Variants in SLC20A2 observed in about 807,000 individuals in gnomAD.
The protein encoded by SLC20A2 is solute carrier family 20 member 2, also known as sodium-dependent phosphate transporter 2.
A neutral mutation model predicts 61.0 loss-of-function variants in SLC20A2; 30 were observed. The ratio of observed to expected loss-of-function variants is 0.49; its 90% confidence interval spans 0.37 to 0.67. The LOEUF (loss-of-function observed/expected upper bound fraction) is 0.67. SLC20A2 is among the 30% of genes least tolerant of loss of function. SLC20A2 has a pLI of 0.00. For missense variants in SLC20A2, 626 were observed against 866.4 expected (o/e 0.72, Z 3.48); for synonymous variants, 351 against 353.3 (o/e 0.99, Z 0.07).
intron 2 of SLC20A2, chr8:42,470,986 A>AG: frequency 2.9e-6 from 1 of 350,630 alleles, no homozygotes. Flanking sequence ...AAAAAAAAAA[A>AG]AAAAGAAAAG....
rs1210008308 is a variant in SLC20A2, at chr8:42,509,459, GCA to G, written c.-265+32360_-265+32361del. Among the ~76,000 whole-genome samples, 4 of 152,082 alleles carry G rather than the reference GCA, an allele frequency of 2.6e-5. No individual in the cohort carries two copies. The East Asian group carries it at 7.7e-4, about 29-fold the overall frequency. On this transcript the variant is annotated intron_variant, in intron 1 of 10. Transcript: ENST00000342228. ...GATACAAGATGCTAGGCTTAGCCAG[GCA>G]CAGTGTCATGCCTATAATCCCAGCA...
chr8:42,434,202 T>G (rs776917925), intron 8 of SLC20A2, among the ~76,000 whole-genome samples: 43 of 152,176 alleles, frequency 2.8e-4, no homozygotes, highest in Admixed American at 1.7e-3. Flanking sequence ...TTCTTGTGCC[T>G]CAGCTTCCTG....
chr8:42,531,207 A>G (rs961934954), intron 1 of SLC20A2, among the ~76,000 whole-genome samples: 6 of 152,212 alleles, frequency 3.9e-5, no homozygotes, highest in Admixed American at 1.3e-4. Context: ...GCACATCTAC[A>G]TAAGTTCCTT....
intron 1 of SLC20A2, among the ~76,000 whole-genome samples, chr8:42,480,888 T>C (rs1808508288): frequency 6.6e-6 from 1 of 152,174 alleles, no homozygotes; most frequent in Admixed American, 6.6e-5. Flanking sequence ...CTCAAACTCC[T>C]GGACTCAACT....
intron 8 of SLC20A2, among the ~76,000 whole-genome samples, chr8:42,435,789 G>A (rs1804204004): frequency 6.6e-6 from 1 of 152,228 alleles, no homozygotes; most frequent in Admixed American, 6.5e-5. Flanking sequence ...GGGCCCACGA[G>A]TGGGACGGAG....
At chr8:42,475,398 C>T (rs1807995077) in intron 1 of SLC20A2, among the ~76,000 whole-genome samples, 1 of 150,820 alleles carries the variant, frequency 6.6e-6, no homozygotes, top group Non-Finnish European at 1.5e-5. Context: ...CCATGCCCGG[C>T]CCAGACTTAG....
At chr8:42,429,919 G>T in intron 9 of SLC20A2, 145 bp downstream of exon 9, 1 of 600,896 alleles carries the variant, frequency 1.7e-6, no homozygotes, top group Non-Finnish European at 2.8e-6. Flanking sequence ...ATGCTAGGTG[G>T]GGCCATTCTT....
intron 1 of SLC20A2, among the ~76,000 whole-genome samples, chr8:42,479,623 C>T (rs1456182526): frequency 6.6e-6 from 1 of 152,030 alleles, no homozygotes; most frequent in Non-Finnish European, 1.5e-5. Flanking sequence ...GTCAGGAGTT[C>T]AAGACCAGAC....
At chr8:42,520,303 C>T (rs1036818180) in intron 1 of SLC20A2, among the ~76,000 whole-genome samples, 26 of 151,456 alleles carry the variant, frequency 1.7e-4, no homozygotes, top group African/African-American at 5.3e-4. Flanking sequence ...CATGAGCCAC[C>T]GCGCCCAGCC....
intron 1 of SLC20A2, among the ~76,000 whole-genome samples, chr8:42,497,091 T>C (rs1025841602): frequency 1.3e-5 from 2 of 152,230 alleles, no homozygotes; most frequent in African/African-American, 2.4e-5. Context: ...AGAAAAGTAA[T>C]TGCAAAATTT....
At chr8:42,500,054 G>T (rs1810220463) in intron 1 of SLC20A2, among the ~76,000 whole-genome samples, 1 of 152,128 alleles carries the variant, frequency 6.6e-6, no homozygotes, top group Admixed American at 6.6e-5. Context: ...TGGGAAAATG[G>T]CTTTCACAAT....
Position 42,488,352 on chromosome 8 carries a change from A to AT in SLC20A2, c.-265+12678dup, listed in dbSNP as rs986897594. Among the ~76,000 whole-genome samples, 12 of 149,580 alleles carry AT rather than the reference A, an allele frequency of 8.0e-5. No individual in the cohort carries two copies. In the South Asian group the frequency reaches 1.5e-3, roughly 19 times the overall value. ...AGGTGTGCACCACCACACCTGGCTAATTTTTTTTTGTATTTTTAGTAGAGA... is the reference window on the plus strand; with the variant it reads ...AGGTGTGCACCACCACACCTGGCTAATTTTTTTTTTGTATTTTTAGTAGAGA... On this transcript the variant is annotated intron_variant, in intron 1 of 10. Coordinates refer to ENST00000520262, the MANE Select transcript of SLC20A2 (RefSeq NM_001257180.2).
chr8:42,505,555 G>T (rs1810629557), upstream of SLC20A2, among the ~76,000 whole-genome samples: 1 of 152,106 alleles, frequency 6.6e-6, no homozygotes, highest in African/African-American at 2.4e-5. Flanking sequence ...GGAGAAATCA[G>T]GTATTCTAAA....
chr8:42,530,569 T>A (rs1394035296), intron 1 of SLC20A2, among the ~76,000 whole-genome samples: 1 of 152,188 alleles, frequency 6.6e-6, no homozygotes. Context: ...CACATTTTGG[T>A]CAAATATGCT....
intron 4 of SLC20A2, among the ~76,000 whole-genome samples, chr8:42,461,701 C>T (rs1476384318): frequency 2.0e-5 from 3 of 152,130 alleles, no homozygotes; most frequent in Non-Finnish European, 4.4e-5. Context: ...ATCCACCGCG[C>T]CTGGCCTAAA....
intron 1 of SLC20A2, among the ~76,000 whole-genome samples, chr8:42,498,593 C>G (rs1017716071): frequency 2.0e-5 from 3 of 152,190 alleles, no homozygotes; most frequent in East Asian, 3.8e-4. Context: ...ATAATGACAG[C>G]AGTACCCCGT....
chr8:42,426,196 A>T (rs1318688179), intron 10 of SLC20A2, among the ~76,000 whole-genome samples: 3 of 152,240 alleles, frequency 2.0e-5, no homozygotes, highest in African/African-American at 7.2e-5. Context: ...ATGCATATAG[A>T]TAATTCAAGA....
intron 4 of SLC20A2, among the ~76,000 whole-genome samples, chr8:42,461,646 T>G (rs1229449537): frequency 6.6e-6 from 1 of 152,006 alleles, no homozygotes; most frequent in Non-Finnish European, 1.5e-5. Flanking sequence ...GAGATGGGGT[T>G]TCGCTATGTT....
chr8:42,507,165 T>C (rs1052128244), intron 1 of SLC20A2, among the ~76,000 whole-genome samples: 1 of 152,302 alleles, frequency 6.6e-6, no homozygotes, highest in African/African-American at 2.4e-5. Context: ...CAGAAAGAAA[T>C]GTTTGTTTTT....
Sources: allele counts gnomAD v4.1 joint callset (sites outside exome capture counted in the v4.1 genomes callset), GRCh38; gene constraint gnomAD v4.1.1; transcripts MANE v1.5; gene names NCBI Gene and HGNC (gene_info 2026-07-23, HGNC 2026-07-21).